ZNF397: variants seen among roughly 807,000 people sequenced by gnomAD.
ZNF397 encodes the protein zinc finger and SCAN domain-containing protein 15.
A neutral mutation model predicts 50.6 loss-of-function variants in ZNF397; 38 were observed. The ratio of observed to expected loss-of-function variants is 0.75; its 90% confidence interval spans 0.58 to 0.98. ZNF397 has a LOEUF of 0.98. ZNF397 is among the 50% of genes least tolerant of loss of function. ZNF397 has a pLI of 0.00. For synonymous variants in ZNF397, 228 were observed against 215.2 expected, an observed-to-expected ratio of 1.06 and a Z score of -0.52; for missense variants, 624 against 624.1, an observed-to-expected ratio of 1.00 and a Z score of 0.00.
At position 35,246,167 on chromosome 18, in the gene ZNF397, A is replaced by G. The variant is rs974259317; in HGVS notation, c.1462A>G (p.Lys488Glu). The part of the protein sequence containing the change: ...EEPYQCNECG[K>E]TFKRSSALVQ... Reference sequence around the variant, plus strand: ...ACCTTATCAGTGTAATGAATGTGGCAAAACTTTCAAAAGGAGCTCAGCCCT... The same window carrying G: ...ACCTTATCAGTGTAATGAATGTGGCGAAACTTTCAAAAGGAGCTCAGCCCT... The change falls in exon 4 of 4, where the codon AAA (lysine) becomes GAA (glutamate). Residue 488 changes from lysine (K) to glutamate (E), a missense_variant. Coordinates refer to ENST00000330501, the MANE Select transcript of ZNF397 (RefSeq NM_001135178.3). The G allele has an allele frequency of 1.9e-6, 3 of 1,551,878 alleles. No homozygotes were observed. The highest frequency in any genetic ancestry group is 2.7e-5 in the African/African-American group (2 of 73,056).
At chr18:35,254,480 A>G (rs754797913), downstream of ZNF397, 1 of 1,580,118 alleles carries the variant, frequency 6.3e-7, no homozygotes, top group Non-Finnish European at 8.6e-7. Flanking sequence ...GTATTTATTT[A>G]TTAGGAGGAC....
intron 3 of ZNF397, 38 bp downstream of exon 3, chr18:35,243,331 T>TA (rs1486404929): frequency 1.9e-6 from 3 of 1,614,110 alleles, no homozygotes; most frequent in Non-Finnish European, 2.5e-6. Flanking sequence ...TCTTGACACT[T>TA]AGGCCTCTGT....
rs1912651691 is a variant in ZNF397 at position 35,243,190 on chromosome 18, G to T, written c.453G>T (p.Lys151Asn). 6.8e-6 allele frequency: 11 copies of T among 1,614,026 alleles called. No individual in the cohort carries two copies. The highest frequency in any genetic ancestry group is 8.5e-6 in the Non-Finnish European group (10 of 1,180,032). The change falls in exon 3 of 4, where the codon AAG (lysine) becomes AAT (asparagine). Residue 151 changes from lysine (K) to asparagine (N), a missense_variant. By Grantham distance (94) the Lys-to-Asn change is moderately conservative. Transcript: ENST00000330501. ...CACAGGGACCAGCAGTGCCATGGAA[G>T]GATTTAACATGTCTCAGAGCATCCC... ...ASPQGPAVPWKDLTCLRASQE... is the reference protein window; with the variant it reads ...ASPQGPAVPWNDLTCLRASQE...
downstream of ZNF397, chr18:35,254,002 G>T: frequency 6.2e-7 from 1 of 1,614,152 alleles, no homozygotes; most frequent in African/African-American, 1.3e-5. Flanking sequence ...TTGAGCTCTG[G>T]CAAAAGGCCT....
intron 2 of ZNF397, 48 bp from the exon 3 acceptor site, chr18:35,243,104 T>G: frequency 1.9e-6 from 3 of 1,610,604 alleles, no homozygotes; most frequent in Non-Finnish European, 1.7e-6. Context: ...CTAAGCAAGT[T>G]TTCTTAGGGA....
At chr18:35,254,572 T>C (rs891014262), downstream of ZNF397, 30 of 953,340 alleles carry the variant, frequency 3.1e-5, 1 homozygote, top group Admixed American at 7.8e-4. Context: ...GAGAGTAAGG[T>C]AGACAAAGAA....
At chr18:35,257,888 C>T (rs2043893707) in intron 5 of ZNF397, 1 of 780,940 alleles carries the variant, frequency 1.3e-6, no homozygotes, top group African/African-American at 1.7e-5. Context: ...ATTGCTTGCT[C>T]TTTTCCCTTC....
chr18:35,246,524 T>C lies in ZNF397; in HGVS notation c.*214T>C. The stretch of plus-strand genomic sequence containing the variant: ...GAACAGAATACAGAAGAATCATTAC[T>C]TCCAGCTCTTCTCTTATTAGGAATA... On this transcript the variant is annotated 3_prime_UTR_variant, in exon 4 of 4. Coordinates refer to ENST00000330501, the MANE Select transcript of ZNF397 (RefSeq NM_001135178.3). The C allele has an allele frequency of 7.7e-7, 1 of 1,303,212 alleles. No individual in the cohort carries two copies. The highest frequency in any genetic ancestry group is 9.7e-7 in the Non-Finnish European group (1 of 1,028,608). The allele number at this position is 1,303,212 out of a possible 1,614,324, so 80.7% of individuals were successfully genotyped here.
In ZNF397 at chr18:35,247,054, G is replaced by C. The variant is rs116351575; in HGVS notation, c.*744G>C. On this transcript the variant is annotated 3_prime_UTR_variant, in exon 4 of 4. Transcript: ENST00000330501. ...TGAAGGATGAGGAGGAGTTAGCCAAGGTGGTACTCTAGGGAAGTGGTACCC... is the reference window on the plus strand; with the variant it reads ...TGAAGGATGAGGAGGAGTTAGCCAACGTGGTACTCTAGGGAAGTGGTACCC... 7.3e-3 allele frequency: 7,080 copies of C among 974,194 alleles called. 393 individuals are homozygous for C. The African/African-American group carries it at 0.11, about 16-fold the overall frequency. The allele number at this position is 974,194 out of a possible 1,614,324, so 60.3% of individuals were successfully genotyped here.
rs1045767483 is a variant in ZNF397, at chr18:35,243,011, A to G, written c.414+127A>G. The G allele has an allele frequency of 6.3e-5, 93 of 1,474,892 alleles. No individual in the cohort carries two copies. The Admixed American group carries it at 6.6e-4, about 10-fold the overall frequency. The allele number at this position is 1,474,892 out of a possible 1,614,324, so 91.4% of individuals were successfully genotyped here. A position where few individuals can be genotyped will look rare whatever the true frequency, so the allele number is the denominator to read the frequency against. On this transcript the variant is annotated intron_variant, in intron 2 of 3. Transcript: ENST00000330501. ...CTAACCTGAAGTGACTAATAGAGCC[A>G]TACTTGTCTATACCCTTGAATGGTC...
chr18:35,253,783 AG>A, downstream of ZNF397: 1 of 1,614,004 alleles, frequency 6.2e-7, no homozygotes, highest in Non-Finnish European at 8.5e-7. Flanking sequence ...CACATTCATA[AG>A]GCTTCTCTCC....
rs1483820533 is a variant in ZNF397 at position 35,246,484 on chromosome 18, TC to T, written c.*176del. 1.8e-5 allele frequency: 26 copies of T among 1,411,502 alleles called. No homozygotes were observed. The Admixed American group carries it at 4.2e-4, about 23-fold the overall frequency. 87.4% of individuals were successfully genotyped at this position (1,411,502 alleles called of 1,614,324 possible). A position where few individuals can be genotyped will look rare whatever the true frequency, so the allele number is the denominator to read the frequency against. ...ATGTAAAGTGTCCCTTGAAAGCTTT[TC>T]CTGTGACTAATCAGAACAGAATACA... On this transcript the variant is annotated 3_prime_UTR_variant, in exon 4 of 4. Transcript: ENST00000330501.
Position 35,242,395 on chromosome 18 carries a change from GAA to G in ZNF397, c.-75_-74del. On this transcript the variant is annotated 5_prime_UTR_variant, in exon 2 of 4. Coordinates refer to ENST00000330501, the MANE Select transcript of ZNF397 (RefSeq NM_001135178.3). Reference sequence around the variant, plus strand: ...AACTGCTTTTATATCCTTCAGGAAAGAAGAGATTACTCACACTCCTTCGCAAG... The same window carrying G: ...AACTGCTTTTATATCCTTCAGGAAAGGAGATTACTCACACTCCTTCGCAAG... 1.4e-6 allele frequency: 2 copies of G among 1,425,504 alleles called. No homozygotes were observed. The highest frequency in any genetic ancestry group is 9.5e-7 in the Non-Finnish European group (1 of 1,050,178). 88.3% of individuals were successfully genotyped at this position (1,425,504 alleles called of 1,614,324 possible). A position where few individuals can be genotyped will look rare whatever the true frequency, so the allele number is the denominator to read the frequency against.
chr18:35,254,327 C>T (rs1311619134), downstream of ZNF397: 1 of 1,613,988 alleles, frequency 6.2e-7, no homozygotes, highest in African/African-American at 1.3e-5. Flanking sequence ...TGAGGCTACA[C>T]ATTCAACAAT....
chr18:35,242,726 A>G lies in ZNF397; in HGVS notation c.256A>G (p.Lys86Glu). ...GTGGCTAATGCCAGAGTTGCACACAAAGGAGCAGATCTTAGAACTGCTGGT... is the reference window on the plus strand; with the variant it reads ...GTGGCTAATGCCAGAGTTGCACACAGAGGAGCAGATCTTAGAACTGCTGGT... ...YQWLMPELHT[K>E]EQILELLVLE... Residue 86 changes from lysine (K) to glutamate (E), a missense_variant, in exon 2 of 4, where the codon AAG becomes GAG. Coordinates refer to ENST00000330501, the MANE Select transcript of ZNF397 (RefSeq NM_001135178.3). 6.2e-7 allele frequency: 1 copy of G among 1,614,208 alleles called. No homozygotes were observed. Among genetic ancestry groups the G allele is most frequent in the Non-Finnish European group, 8.5e-7 (1 of 1,180,028 alleles).
intron 1 of ZNF397, among the ~76,000 whole-genome samples, chr18:35,242,171 T>C (rs375682275): frequency 2.6e-5 from 4 of 152,352 alleles, no homozygotes. Context: ...CTTAGGCTTC[T>C]AAAATAGTTT....
Position 35,246,717 on chromosome 18 carries a change from A to AAAAG in ZNF397, c.*410_*411insGAAA. On this transcript the variant is annotated 3_prime_UTR_variant, in exon 4 of 4. Transcript: ENST00000330501. Reference sequence around the variant, plus strand: ...CTTCGTCTCAGGAACTAAAAAAAAAAAAAAAACTGACCCAATAAAGAACAG... The same window carrying AAAAG: ...CTTCGTCTCAGGAACTAAAAAAAAAAAAAGAAAAAACTGACCCAATAAAGAACAG... The AAAAG allele has an allele frequency of 1.0e-6, 1 of 991,530 alleles. No individual in the cohort carries two copies. Among genetic ancestry groups the AAAAG allele is most frequent in the Non-Finnish European group, 1.2e-6 (1 of 834,240 alleles). 61.4% of individuals were successfully genotyped at this position (991,530 alleles called of 1,614,324 possible).
At position 35,245,979 on chromosome 18, in the gene ZNF397, A is replaced by G. The variant is rs756865049; in HGVS notation, c.1274A>G (p.Tyr425Cys). The G allele has an allele frequency of 2.3e-5, 36 of 1,580,146 alleles. No individual in the cohort carries two copies. The highest frequency in any genetic ancestry group is 2.9e-5 in the Non-Finnish European group (34 of 1,163,008). ...CGAATTCACACAGGAGAGAGACCCT[A>G]TGAATGTAATGAATGTGGAAAAGCT... ...HQRIHTGERPYECNECGKAFR... is the reference protein window; with the variant it reads ...HQRIHTGERPCECNECGKAFR... Residue 425 changes from tyrosine to cysteine, a missense_variant, in exon 4 of 4, where the codon TAT becomes TGT. Coordinates refer to ENST00000330501, the MANE Select transcript of ZNF397 (RefSeq NM_001135178.3).
chr18:35,246,627 G>C lies in ZNF397; in HGVS notation c.*317G>C. On this transcript the variant is annotated 3_prime_UTR_variant, in exon 4 of 4. Coordinates refer to ENST00000330501, the MANE Select transcript of ZNF397 (RefSeq NM_001135178.3). ...AAGTGTCATGAATATAGCAACCCAG[G>C]CTCTGTCACTGCATCTGATTGTTAG... The C allele has an allele frequency of 9.3e-7, 1 of 1,075,078 alleles. No individual in the cohort carries two copies. The highest frequency in any genetic ancestry group is 1.1e-6 in the Non-Finnish European group (1 of 886,602). The allele number at this position is 1,075,078 out of a possible 1,614,324, so 66.6% of individuals were successfully genotyped here.
Sources: gnomAD v4.1 joint callset for allele counts (sites outside exome capture counted in the v4.1 genomes callset) on GRCh38, gnomAD v4.1.1 for gene constraint, MANE v1.5 for transcripts, NCBI Gene and HGNC (gene_info 2026-07-23, HGNC 2026-07-21) for gene names.